WDR83: variants seen among roughly 807,000 people sequenced by gnomAD.
The protein encoded by WDR83 is WD repeat domain-containing protein 83.
In WDR83, 37 loss-of-function variants were observed where a neutral mutation model predicts 37.7. The observed-to-expected ratio is 0.98, with a 90% CI of 0.76 to 1.29. The LOEUF (loss-of-function observed/expected upper bound fraction) is 1.29. WDR83 is among the 50% of genes most tolerant of loss of function. WDR83 has a pLI of 0.00. For missense variants in WDR83, 445 were observed against 414.4 expected (o/e 1.07, Z -0.64); for synonymous variants, 174 against 181.1 (o/e 0.96, Z 0.31).
chr19:12,667,833 G>GAAA (rs767976413), intron 1 of WDR83, among the ~76,000 whole-genome samples: 1 of 142,094 alleles, frequency 7.0e-6, no homozygotes, highest in African/African-American at 2.6e-5. Context: ...TCTTAAAAAG[G>GAAA]AAAAAAAAAA....
Position 12,670,703 on chromosome 19 carries a change from G to T in WDR83, c.388G>T (p.Asp130Tyr). ...EATVILSGSI[D>Y]SSIRCWDCRS... ...TCATGCTGGCCTCACAGGCTCTATT[G>T]ATTCCAGTATCCGCTGTTGGGATTG... is the stretch of plus-strand genomic sequence containing the variant. Residue 130 changes from aspartate to tyrosine, a missense_variant, in exon 7 of 11, where the codon GAT (aspartate) becomes TAT (tyrosine). Coordinates refer to ENST00000418543, the MANE Select transcript of WDR83 (RefSeq NM_001099737.3). 1 of 1,614,178 alleles carries T rather than the reference G, an allele frequency of 6.2e-7. No homozygotes were observed.
rs748646640 is a variant in WDR83, at chr19:12,675,510, C to A, written c.799-13C>A. On this transcript the variant is annotated splice_polypyrimidine_tract_variant and intron_variant, in intron 10 of 10. Transcript: ENST00000418543. ...CAGCCACAGATAACCACTCCCTACC[C>A]CTCGCTCCACAGGGTGCGCTGGCTC... 5.0e-6 allele frequency: 8 copies of A among 1,601,806 alleles called. No homozygotes were observed. Among genetic ancestry groups the A allele is most frequent in the Non-Finnish European group, 6.8e-6 (8 of 1,179,668 alleles).
At chr19:12,671,260 G>A (rs1475361506) in intron 7 of WDR83, 2 of 168,632 alleles carry the variant, frequency 1.2e-5, no homozygotes, top group African/African-American at 4.8e-5. Context: ...CCCGGGAGTT[G>A]GAGGTTGCAG....
At chr19:12,668,672 C>G (rs976959640) in intron 2 of WDR83, 45 bp downstream of exon 2, 13 of 1,444,238 alleles carry the variant, frequency 9.0e-6, no homozygotes, top group Middle Eastern at 2.1e-4. Context: ...AATGAGTCCC[C>G]GAAGCCACCT....
intron 10 of WDR83, among the ~76,000 whole-genome samples, chr19:12,674,886 G>T (rs187220880): frequency 1.3e-5 from 2 of 149,344 alleles, no homozygotes; most frequent in Admixed American, 1.3e-4. Context: ...GAGGCCGAGG[G>T]GGGTGGATCA....
At chr19:12,673,593 T>C (rs1366065914) in intron 10 of WDR83, among the ~76,000 whole-genome samples, 1 of 152,052 alleles carries the variant, frequency 6.6e-6, no homozygotes, top group Non-Finnish European at 1.5e-5. Flanking sequence ...AATTTTTGTA[T>C]TTTTAGTAGA....
At chr19:12,669,085 T>C (rs779140308) in intron 2 of WDR83, 56 of 1,591,366 alleles carry the variant, frequency 3.5e-5, no homozygotes, top group Middle Eastern at 1.7e-4. Context: ...CCGGGCCTCG[T>C]TCTCAGGTCC....
At chr19:12,668,242 C>A in intron 1 of WDR83, 1 of 1,097,462 alleles carries the variant, frequency 9.1e-7, no homozygotes, top group Non-Finnish European at 1.3e-6. Flanking sequence ...GCTGGGGGCA[C>A]CGAGACGGCC....
chr19:12,668,484 A>C, intron 1 of WDR83, 24 bp from the exon 2 acceptor site: 1 of 1,613,498 alleles, frequency 6.2e-7, no homozygotes, highest in Non-Finnish European at 8.5e-7. Context: ...CCCACCCCTT[A>C]CTCAAGAGTC....
In WDR83 at chr19:12,670,822, G is replaced by A; in HGVS notation, c.506+1G>A. ...TGTCAGACCACGAGATCCTGGCAGG[G>A]TGAGTGGAGCCAGGACCTGGTCTCA... On this transcript the variant is annotated splice_donor_variant, in intron 7 of 10. Transcript: ENST00000418543. LOFTEE classifies it high-confidence loss of function. 1 of 1,612,242 alleles carries A rather than the reference G, an allele frequency of 6.2e-7. No homozygotes were observed. The highest frequency in any genetic ancestry group is 8.5e-7 in the Non-Finnish European group (1 of 1,179,308).
rs757640082 is a variant in WDR83 at position 12,675,793 on chromosome 19, T to C, written c.*121T>C. The C allele has an allele frequency of 6.4e-7, 1 of 1,567,728 alleles. No homozygotes were observed. The highest frequency in any genetic ancestry group is 8.7e-7 in the Non-Finnish European group (1 of 1,154,590). On this transcript the variant is annotated 3_prime_UTR_variant, in exon 11 of 11. Transcript: ENST00000418543. Reference sequence around the variant, plus strand: ...TAGGGGAGGGGCTGGGTCTGCAAATTAATAAATAGAAGAGGGGGTAAGACC... The same window carrying C: ...TAGGGGAGGGGCTGGGTCTGCAAATCAATAAATAGAAGAGGGGGTAAGACC...
At chr19:12,668,708 G>T in intron 2 of WDR83, 81 bp downstream of exon 2, 1 of 1,052,220 alleles carries the variant, frequency 9.5e-7, no homozygotes, top group Non-Finnish European at 1.4e-6. Context: ...CATGCCCACT[G>T]ATTCCATCTG....
intron 10 of WDR83, 74 bp downstream of exon 10, chr19:12,673,390 C>G: frequency 2.2e-6 from 2 of 926,834 alleles, no homozygotes; most frequent in Non-Finnish European, 3.4e-6. Flanking sequence ...TCAGTCACTC[C>G]AGGGCCTGAA....
intron 7 of WDR83, chr19:12,671,201 G>A (rs2024405493): frequency 1.0e-5 from 2 of 197,078 alleles, no homozygotes; most frequent in South Asian, 1.6e-4. Context: ...GGTGACGGGA[G>A]CCTGTAATCC....
At chr19:12,667,055 G>A (rs1056488350) in intron 1 of WDR83, 63 bp downstream of exon 1, 2 of 343,310 alleles carry the variant, frequency 5.8e-6, no homozygotes, top group Non-Finnish European at 1.1e-5. Flanking sequence ...GTGTGTCCAT[G>A]GGAATCCAGG....
chr19:12,670,518 G>A, intron 5 of WDR83, 45 bp from the exon 6 acceptor site: 1 of 1,613,916 alleles, frequency 6.2e-7, no homozygotes, highest in East Asian at 2.2e-5. Context: ...CTTTATCCCA[G>A]TCCTCCAAAG....
At position 12,675,687 on chromosome 19, in the gene WDR83, C is replaced by A. The variant is rs918849310; in HGVS notation, c.*15C>A. The A allele has an allele frequency of 6.3e-7, 1 of 1,598,760 alleles. No homozygotes were observed. Among genetic ancestry groups the A allele is most frequent in the Non-Finnish European group, 8.5e-7 (1 of 1,178,406 alleles). Reference sequence around the variant, plus strand: ...GAGCAGGCTGAAGCCAGGGGACCCACCAACAGGACCAAGGACCGAGACACA... The same window carrying A: ...GAGCAGGCTGAAGCCAGGGGACCCAACAACAGGACCAAGGACCGAGACACA... On this transcript the variant is annotated 3_prime_UTR_variant, in exon 11 of 11. Coordinates refer to ENST00000418543, the MANE Select transcript of WDR83 (RefSeq NM_001099737.3).
intron 7 of WDR83, chr19:12,671,103 A>C (rs1037385839): frequency 3.0e-6 from 1 of 338,026 alleles, no homozygotes; most frequent in Non-Finnish European, 5.7e-6. Flanking sequence ...CAAGGTGGGC[A>C]GATCACTTGA....
intron 10 of WDR83, among the ~76,000 whole-genome samples, chr19:12,674,177 C>A (rs761567060): frequency 5.3e-5 from 8 of 152,228 alleles, no homozygotes; most frequent in Non-Finnish European, 1.0e-4. Context: ...CTGGCACTGA[C>A]CCCTGGGCAA....
Sources: allele counts gnomAD v4.1 joint callset (sites outside exome capture counted in the v4.1 genomes callset), GRCh38; gene constraint gnomAD v4.1.1; transcripts MANE v1.5; gene names NCBI Gene and HGNC (gene_info 2026-07-23, HGNC 2026-07-21).